The following ERBB4 variants were observed in gnomAD, a reference collection of about 807,000 sequenced individuals.
ERBB4 encodes the protein erb-b2 receptor tyrosine kinase 4, also known as receptor tyrosine-protein kinase erbB-4.
A neutral mutation model predicts 158.0 loss-of-function variants in ERBB4; 42 were observed. That is an observed-to-expected ratio of 0.27 (90% CI 0.21 to 0.34). The LOEUF is 0.34. Among genes scored for constraint, ERBB4 ranks in the 10% least tolerant of loss-of-function variants. ERBB4 has a pLI of 1.00. For synonymous variants in ERBB4, 583 were observed against 558.7 expected (o/e 1.04, Z -0.61); for missense variants, 1,333 against 1,624.1 (o/e 0.82, Z 3.08).
chr2:211,721,009 C>A (rs1382316044), intron 7 of ERBB4, among the ~76,000 whole-genome samples: 3 of 152,186 alleles, frequency 2.0e-5, no homozygotes, highest in Non-Finnish European at 4.4e-5. Context: ...CTGGCCTGCA[C>A]ACGTGCCATT....
intron 3 of ERBB4, among the ~76,000 whole-genome samples, chr2:211,935,017 T>C (rs745672135): frequency 6.6e-6 from 1 of 150,764 alleles, no homozygotes. Flanking sequence ...TAGCAGAGGA[T>C]GACAAAAGTT....
At chr2:212,260,839 C>T (rs909849296) in intron 1 of ERBB4, among the ~76,000 whole-genome samples, 1 of 151,718 alleles carries the variant, frequency 6.6e-6, no homozygotes, top group Admixed American at 6.6e-5. Flanking sequence ...AAAGTAGGCA[C>T]TCTAACTGTC....
At chr2:212,234,852 T>A (rs1221697634) in intron 1 of ERBB4, among the ~76,000 whole-genome samples, 2 of 152,146 alleles carry the variant, frequency 1.3e-5, no homozygotes, top group South Asian at 4.1e-4. Context: ...AATTTGTTTT[T>A]CTTTGTAGAT....
chr2:212,070,298 T>C (rs865971854), intron 2 of ERBB4, among the ~76,000 whole-genome samples: 1 of 152,080 alleles, frequency 6.6e-6, no homozygotes, highest in Non-Finnish European at 1.5e-5. Context: ...ACACTCTCAA[T>C]GCAATCCTTA....
intron 1 of ERBB4, among the ~76,000 whole-genome samples, chr2:212,142,218 C>A (rs188382862): frequency 8.1e-4 from 123 of 152,198 alleles, no homozygotes; most frequent in Middle Eastern, 3.4e-3. Flanking sequence ...CACTTATCAC[C>A]AGCTGCCATA....
chr2:211,426,090 A>G (rs1187456237), intron 22 of ERBB4, among the ~76,000 whole-genome samples: 1 of 152,354 alleles, frequency 6.6e-6, no homozygotes, highest in African/African-American at 2.4e-5. Flanking sequence ...TAAGCAAGAT[A>G]CAAAGCAACT....
chr2:212,158,509 CA>C (rs1385180626), intron 1 of ERBB4, among the ~76,000 whole-genome samples: 1 of 151,998 alleles, frequency 6.6e-6, no homozygotes, highest in Non-Finnish European at 1.5e-5. Flanking sequence ...CTTTTAATTT[CA>C]ATATCTTATA....
At chr2:212,017,127 G>C (rs1386184422) in intron 2 of ERBB4, among the ~76,000 whole-genome samples, 1 of 152,048 alleles carries the variant, frequency 6.6e-6, no homozygotes, top group Non-Finnish European at 1.5e-5. Flanking sequence ...AACATATCAG[G>C]TGTGGATTTT....
intron 27 of ERBB4, 58 bp from the exon 28 acceptor site, chr2:211,384,118 C>T: frequency 8.2e-7 from 1 of 1,226,230 alleles, no homozygotes. Context: ...TTAATCAGAC[C>T]AAGGTTATAC....
At chr2:212,258,898 T>C (rs1191028751) in intron 1 of ERBB4, among the ~76,000 whole-genome samples, 2 of 152,058 alleles carry the variant, frequency 1.3e-5, no homozygotes, top group South Asian at 2.1e-4. Flanking sequence ...ACAATGATCA[T>C]CTTAGAGGAA....
intron 15 of ERBB4, 135 bp from the exon 16 acceptor site, chr2:211,657,963 C>T (rs562587983): frequency 3.3e-5 from 53 of 1,604,232 alleles, no homozygotes; most frequent in African/African-American, 5.3e-5. Context: ...TCCATCAGGC[C>T]GATGCAGTCT....
At chr2:211,525,718 C>T (rs1348264466) in intron 20 of ERBB4, among the ~76,000 whole-genome samples, 2 of 152,096 alleles carry the variant, frequency 1.3e-5, no homozygotes, top group Non-Finnish European at 2.9e-5. Context: ...AGCCCATTGC[C>T]CCGAAGGGTG....
chr2:211,477,235 A>G (rs2064977009), intron 20 of ERBB4, among the ~76,000 whole-genome samples: 2 of 152,060 alleles, frequency 1.3e-5, no homozygotes, highest in South Asian at 2.1e-4. Context: ...CCAGCCTGCC[A>G]GCCCTACCCT....
intron 19 of ERBB4, among the ~76,000 whole-genome samples, chr2:211,567,787 ATT>A (rs11350799): frequency 1.5e-3 from 218 of 140,834 alleles, no homozygotes; most frequent in African/African-American, 5.2e-3. Flanking sequence ...TGTAGCTTGC[ATT>A]TTTTTTTTTT....
At chr2:211,523,104 G>A (rs2066232728) in intron 20 of ERBB4, among the ~76,000 whole-genome samples, 1 of 148,210 alleles carries the variant, frequency 6.7e-6, no homozygotes, top group Non-Finnish European at 1.5e-5. Flanking sequence ...GCAAGATGGT[G>A]GAACAGAAGG....
At chr2:212,331,316 T>C (rs1055206980) in intron 1 of ERBB4, among the ~76,000 whole-genome samples, 2 of 151,204 alleles carry the variant, frequency 1.3e-5, no homozygotes, top group South Asian at 2.1e-4. Flanking sequence ...AGCATAATCA[T>C]ACAAATAATT....
intron 19 of ERBB4, among the ~76,000 whole-genome samples, chr2:211,569,883 GT>G (rs1375306611): frequency 1.3e-5 from 2 of 152,156 alleles, no homozygotes; most frequent in African/African-American, 2.4e-5. Context: ...CCTGGTTTCT[GT>G]TGTACTTCAT....
intron 1 of ERBB4, among the ~76,000 whole-genome samples, chr2:212,255,799 TG>T (rs1559858165): frequency 6.6e-6 from 1 of 151,910 alleles, no homozygotes; most frequent in Non-Finnish European, 1.5e-5. Flanking sequence ...TTCAAATCAC[TG>T]GGTAGGTGCA....
Position 211,394,092 on chromosome 2 carries a change from T to C in ERBB4, c.3136-6100A>G, listed in dbSNP as rs138187646. On this transcript the variant is annotated intron_variant, in intron 25 of 27. Transcript: ENST00000342788. ...CAAGAGGATATTTCCTTTTAAAATA[T>C]TCATGGCTAAATGAGTCAATAAAAT... 2.5e-3 allele frequency among the ~76,000 whole-genome samples: 376 copies of C among 152,250 alleles called. 2 individuals are homozygous for C. The highest frequency in any genetic ancestry group is 4.6e-3 in the Admixed American group (71 of 15,286).
Sources: gnomAD v4.1 joint callset for allele counts (sites outside exome capture counted in the v4.1 genomes callset) on GRCh38, gnomAD v4.1.1 for gene constraint, MANE v1.5 for transcripts, NCBI Gene and HGNC (gene_info 2026-07-23, HGNC 2026-07-21) for gene names.